Variants in ZNF333 observed in about 807,000 individuals in gnomAD.
The protein encoded by ZNF333 is zinc finger protein 333.
ZNF333 carries 61 observed loss-of-function variants against 76.1 expected under a neutral mutation model. The observed-to-expected ratio is 0.80, with a 90% CI of 0.65 to 0.99. ZNF333 has a LOEUF of 0.99. Ranked by LOEUF, ZNF333 falls within the 50% of genes least tolerant of loss-of-function variation. The pLI, the probability that ZNF333 is intolerant of heterozygous loss-of-function variation, is 0.00. For missense variants in ZNF333, 717 were observed against 822.4 expected (o/e 0.87, Z 1.57); for synonymous variants, 284 against 305.0 (o/e 0.93, Z 0.72).
exon 12 of ZNF333, chr19:14,731,235 A>G (rs777835560): frequency 1.3e-6 from 2 of 1,509,832 alleles, no homozygotes; most frequent in South Asian, 2.4e-5. Flanking sequence ...TCAGATCGCT[A>G]GAATCCAACC....
Position 14,720,700 on chromosome 19 carries a change from A to C in ZNF333, c.*1375A>C. On this transcript the variant is annotated 3_prime_UTR_variant, in exon 12 of 12. Transcript: ENST00000292530. ...GTCAGTTTTTATAAATGCTTCATGG[A>C]TGGTTGAAATCAATGTATTGTATTC... The C allele has an allele frequency of 1.0e-6, 1 of 985,356 alleles. No homozygotes were observed. The highest frequency in any genetic ancestry group is 1.2e-6 in the Non-Finnish European group (1 of 829,908). 61.0% of individuals were successfully genotyped at this position (985,356 alleles called of 1,614,324 possible).
At chr19:14,705,268 G>C in intron 6 of ZNF333, 98 bp downstream of exon 6, 1 of 1,055,142 alleles carries the variant, frequency 9.5e-7, no homozygotes, top group Non-Finnish European at 1.4e-6. Flanking sequence ...GGGAAAGGAG[G>C]GTGTTTGGGG....
intron 4 of ZNF333, among the ~76,000 whole-genome samples, chr19:14,696,731 CTTTTTTT>C (rs55742444): frequency 8.5e-5 from 7 of 82,716 alleles, no homozygotes; most frequent in African/African-American, 2.0e-4. Flanking sequence ...ACCTAATCAC[CTTTTTTT>C]TTTTTTTTTT....
chr19:14,695,343 A>G (rs1973099941), intron 3 of ZNF333, among the ~76,000 whole-genome samples: 1 of 152,108 alleles, frequency 6.6e-6, no homozygotes, highest in South Asian at 2.1e-4. Context: ...TTCTGAGGTG[A>G]GACAGCCTCA....
chr19:14,715,963 G>A, intron 8 of ZNF333, 149 bp from the exon 9 acceptor site: 1 of 1,297,100 alleles, frequency 7.7e-7, no homozygotes, highest in Non-Finnish European at 1.1e-6. Flanking sequence ...AGAGTCCTGA[G>A]CTAAGGGCCA....
intron 7 of ZNF333, among the ~76,000 whole-genome samples, chr19:14,712,562 T>A (rs1181673767): frequency 6.6e-6 from 1 of 152,068 alleles, no homozygotes; most frequent in African/African-American, 2.4e-5. Flanking sequence ...CAATTTAGGA[T>A]ACCAAAAGTC....
In ZNF333 at chr19:14,718,431, T is replaced by C; in HGVS notation, c.1104T>C (p.Cys368=). The part of the protein sequence containing the change: ...KIRSGDKSYA[C]NKCEKSFRYS... ...GTAGTGGGGATAAATCCTATGCATG[T>C]AACAAATGTGAAAAATCCTTCAGAT... The change falls in exon 12 of 12, where the codon TGT becomes TGC. Residue 368 remains cysteine (C), a synonymous_variant. Transcript: ENST00000292530. 6.2e-7 allele frequency: 1 copy of C among 1,614,178 alleles called. No individual in the cohort carries two copies. The highest frequency in any genetic ancestry group is 1.1e-5 in the South Asian group (1 of 91,076).
intron 7 of ZNF333, among the ~76,000 whole-genome samples, chr19:14,710,014 A>G (rs1407461582): frequency 6.6e-6 from 1 of 152,206 alleles, no homozygotes; most frequent in Non-Finnish European, 1.5e-5. Context: ...TAGGAACAAC[A>G]TTGATAAAAT....
intron 1 of ZNF333, among the ~76,000 whole-genome samples, chr19:14,690,354 C>T (rs11085906): frequency 0.44 from 66,684 of 152,014 alleles, 15,995 homozygotes; most frequent in East Asian, 0.71. Context: ...ACCCCCCGTC[C>T]GGGCAGACAG....
At chr19:14,692,043 A>G (rs942897061) in intron 1 of ZNF333, among the ~76,000 whole-genome samples, 2 of 152,118 alleles carry the variant, frequency 1.3e-5, no homozygotes, top group African/African-American at 4.8e-5. Context: ...GTCATTCTTG[A>G]GGAGTGTTGA....
Position 14,720,258 on chromosome 19 carries a change from G to C in ZNF333, c.*933G>C. The C allele has an allele frequency of 2.0e-6, 2 of 985,328 alleles. No homozygotes were observed. Among genetic ancestry groups the C allele is most frequent in the Non-Finnish European group, 2.4e-6 (2 of 829,928 alleles). 61.0% of individuals were successfully genotyped at this position (985,328 alleles called of 1,614,324 possible). A position where few individuals can be genotyped will look rare whatever the true frequency, so the allele number is the denominator to read the frequency against. On this transcript the variant is annotated 3_prime_UTR_variant, in exon 12 of 12. Coordinates refer to ENST00000292530, the MANE Select transcript of ZNF333 (RefSeq NM_032433.4). The stretch of plus-strand genomic sequence containing the variant: ...CAAGCAAGGGCAGGCCATTTCCTCC[G>C]GTCCTGGCTAGTATGAATATGAGAA...
rs141444111 is a variant in ZNF333, at chr19:14,718,395, C to T, written c.1068C>T (p.Pro356=). The T allele has an allele frequency of 8.6e-5, 138 of 1,614,032 alleles. No individual in the cohort carries two copies. Among genetic ancestry groups the T allele is most frequent in the African/African-American group, 5.3e-4 (40 of 75,004 alleles). ...TCCAGAGTGCCCACCTAATTGTGCC[C>T]GAGAAAATCCGTAGTGGGGATAAAT... is the stretch of plus-strand genomic sequence containing the variant. ...SFFQSAHLIV[P]EKIRSGDKSY... is the part of the protein sequence containing the mutation. Residue 356 remains proline, a synonymous_variant, in exon 12 of 12, where the codon CCC becomes CCT. Coordinates refer to ENST00000292530, the MANE Select transcript of ZNF333 (RefSeq NM_032433.4).
In ZNF333 at chr19:14,718,315, A is replaced by G. The variant is rs142032062; in HGVS notation, c.988A>G (p.Arg330Gly). 3.7e-6 allele frequency: 6 copies of G among 1,614,106 alleles called. No homozygotes were observed. The highest frequency in any genetic ancestry group is 1.3e-5 in the African/African-American group (1 of 74,948). The change falls in exon 12 of 12, where the codon AGA becomes GGA. Residue 330 changes from arginine (R) to glycine (G), a missense_variant. Coordinates refer to ENST00000292530, the MANE Select transcript of ZNF333 (RefSeq NM_032433.4). The part of the protein sequence containing the change: ...NSIEPLFQYQ[R>G]IHAGEASCEC... ...CATTGAACCACTTTTCCAGTACCAG[A>G]GAATTCATGCTGGAGAGGCATCCTG... is the stretch of plus-strand genomic sequence containing the variant.
chr19:14,703,020 T>G (rs1009025932), intron 5 of ZNF333, among the ~76,000 whole-genome samples: 19 of 151,140 alleles, frequency 1.3e-4, no homozygotes, highest in Non-Finnish European at 2.7e-4. Flanking sequence ...CTGGCTAACA[T>G]GGTGAAACCC....
At chr19:14,704,359 A>G (rs1483039253) in intron 5 of ZNF333, among the ~76,000 whole-genome samples, 1 of 151,854 alleles carries the variant, frequency 6.6e-6, no homozygotes, top group Non-Finnish European at 1.5e-5. Context: ...ATCTCAGCTC[A>G]CTGCAACTTC....
rs111383295 is a variant in ZNF333 at position 14,721,195 on chromosome 19, A to G, written c.*1870A>G. 722 of 164,872 alleles carry G rather than the reference A, an allele frequency of 4.4e-3. 5 individuals are homozygous for G. The highest frequency in any genetic ancestry group is 0.017 in the African/African-American group (693 of 41,516). The allele number at this position is 164,872 out of a possible 1,614,324, so 10.2% of individuals were successfully genotyped here. On this transcript the variant is annotated 3_prime_UTR_variant, in exon 12 of 12. Coordinates refer to ENST00000292530, the MANE Select transcript of ZNF333 (RefSeq NM_032433.4). ...GAGGCCCAGCAAGTTAAGGTGGGCT[A>G]TCAAAGTCATCTGGGTGGCATGTGA...
intron 5 of ZNF333, among the ~76,000 whole-genome samples, chr19:14,700,887 C>T (rs1207689790): frequency 2.6e-5 from 4 of 152,210 alleles, no homozygotes; most frequent in South Asian, 4.1e-4. Context: ...GCAGTGGCCT[C>T]GGTTTTAGAG....
chr19:14,693,533 T>G, intron 2 of ZNF333, 39 bp downstream of exon 2: 6 of 1,595,098 alleles, frequency 3.8e-6, no homozygotes, highest in Non-Finnish European at 5.1e-6. Flanking sequence ...AAGGGGTGGA[T>G]ATGTAGGATA....
intron 7 of ZNF333, among the ~76,000 whole-genome samples, chr19:14,709,678 A>G (rs2042221559): frequency 6.6e-6 from 1 of 152,212 alleles, no homozygotes. Context: ...CCTTACAAGA[A>G]GAGGAAGAGA....
Sources: allele counts gnomAD v4.1 joint callset (sites outside exome capture counted in the v4.1 genomes callset), GRCh38; gene constraint gnomAD v4.1.1; transcripts MANE v1.5; gene names NCBI Gene and HGNC (gene_info 2026-07-23, HGNC 2026-07-21).